Variants in SMG6 observed in about 807,000 individuals in gnomAD.
The protein encoded by SMG6 is telomerase-binding protein EST1A.
SMG6 carries 66 observed loss-of-function variants against 142.2 expected under a neutral mutation model. The observed-to-expected ratio is 0.46, with a 90% CI of 0.38 to 0.57. The LOEUF (loss-of-function observed/expected upper bound fraction) is 0.57. SMG6 is among the 20% of genes least tolerant of loss of function. The pLI, the probability that SMG6 is intolerant of heterozygous loss-of-function variation, is 0.00. For synonymous variants in SMG6, 779 were observed against 702.4 expected, an observed-to-expected ratio of 1.11 and a Z score of -1.72; for missense variants, 1,793 against 1,832.0, an observed-to-expected ratio of 0.98 and a Z score of 0.39.
intron 8 of SMG6, among the ~76,000 whole-genome samples, chr17:2,281,614 TCTC>T (rs1962708180): frequency 6.6e-6 from 1 of 152,174 alleles, no homozygotes; most frequent in Non-Finnish European, 1.5e-5. Flanking sequence ...GTCTTACTCT[TCTC>T]CAAACATTTT....
chr17:2,080,543 G>A (rs369486168), intron 15 of SMG6, among the ~76,000 whole-genome samples: 87 of 152,364 alleles, frequency 5.7e-4, no homozygotes, highest in African/African-American at 2.0e-3. Flanking sequence ...CACATACTAA[G>A]TGCCATGCAC....
intron 9 of SMG6, among the ~76,000 whole-genome samples, chr17:2,243,034 G>C (rs1447281181): frequency 6.6e-6 from 1 of 152,198 alleles, no homozygotes; most frequent in African/African-American, 2.4e-5. Context: ...ACTTAAACTG[G>C]TGGCAGTGGC....
At chr17:2,274,953 C>T (rs145985763) in intron 8 of SMG6, among the ~76,000 whole-genome samples, 1 of 150,082 alleles carries the variant, frequency 6.7e-6, no homozygotes, top group African/African-American at 2.5e-5. Flanking sequence ...AAGACCTTAT[C>T]TCCACATATT....
At chr17:2,246,311 T>C (rs1258458072) in intron 8 of SMG6, among the ~76,000 whole-genome samples, 2 of 152,202 alleles carry the variant, frequency 1.3e-5, no homozygotes, top group Non-Finnish European at 2.9e-5. Flanking sequence ...AAGTGAAGAA[T>C]CTTGACCCCA....
chr17:2,222,023 C>T (rs568080502), intron 10 of SMG6, among the ~76,000 whole-genome samples: 8 of 152,310 alleles, frequency 5.3e-5, no homozygotes, highest in African/African-American at 1.4e-4. Flanking sequence ...ACGTCGGCCA[C>T]GGCACCTGGC....
intron 13 of SMG6, among the ~76,000 whole-genome samples, chr17:2,137,110 T>C (rs1375970050): frequency 6.6e-6 from 1 of 152,144 alleles, no homozygotes; most frequent in African/African-American, 2.4e-5. Flanking sequence ...GAGGTTGCAG[T>C]GAGCGCAGAT....
At chr17:2,153,484 T>C (rs1167105564) in intron 13 of SMG6, among the ~76,000 whole-genome samples, 1 of 152,164 alleles carries the variant, frequency 6.6e-6, no homozygotes, top group African/African-American at 2.4e-5. Context: ...TACAACAGAG[T>C]GAATTTTAAC....
intron 11 of SMG6, 67 bp downstream of exon 11, chr17:2,188,332 C>A (rs1336123177): frequency 7.9e-7 from 1 of 1,270,408 alleles, no homozygotes; most frequent in South Asian, 1.2e-5. Flanking sequence ...AACAGCATGG[C>A]ACTGTGAGGT....
rs1483909943 is a variant in SMG6, at chr17:2,101,941, TTCTC to T, written c.3358-16044_3358-16041del. Among the ~76,000 whole-genome samples, 6 of 148,936 alleles carry T rather than the reference TTCTC, an allele frequency of 4.0e-5. No homozygotes were observed. In the South Asian group the frequency reaches 1.3e-3, roughly 32 times the overall value. ...CACCATCTCCCCAAGGAGAAAGCTC[TTCTC>T]TTGCCTGGAAATTCACAGAAGAAGA... is the stretch of plus-strand genomic sequence containing the variant. On this transcript the variant is annotated intron_variant, in intron 13 of 18. Transcript: ENST00000263073.
chr17:2,292,429 AG>A, intron 6 of SMG6, 122 bp downstream of exon 6: 1 of 923,610 alleles, frequency 1.1e-6, no homozygotes, highest in Non-Finnish European at 1.7e-6. Flanking sequence ...AAGGAGTTTG[AG>A]GGGATATTCT....
At chr17:2,244,570 G>T in intron 9 of SMG6, 88 bp downstream of exon 9, 1 of 1,039,626 alleles carries the variant, frequency 9.6e-7, no homozygotes. Context: ...TGTGCCCTCA[G>T]TTACAAACAC....
intron 10 of SMG6, among the ~76,000 whole-genome samples, chr17:2,209,093 G>A (rs1484866942): frequency 6.7e-6 from 1 of 148,432 alleles, no homozygotes; most frequent in Admixed American, 6.7e-5. Flanking sequence ...AAGCCCAGGA[G>A]GAGGAGCTTG....
chr17:2,192,605 C>T (rs2072198098), intron 10 of SMG6, among the ~76,000 whole-genome samples: 1 of 152,216 alleles, frequency 6.6e-6, no homozygotes. Context: ...AATGAATGGT[C>T]AGTCACCTCC....
At chr17:2,156,794 C>G (rs1046312919) in intron 13 of SMG6, among the ~76,000 whole-genome samples, 1 of 152,208 alleles carries the variant, frequency 6.6e-6, no homozygotes, top group Non-Finnish European at 1.5e-5. Context: ...GCTGGGACTA[C>G]AAGCATGCAA....
chr17:2,164,404 T>C (rs1045448229), intron 13 of SMG6, among the ~76,000 whole-genome samples: 14 of 151,034 alleles, frequency 9.3e-5, no homozygotes, highest in Admixed American at 2.0e-4. Context: ...GCCTGGGCAA[T>C]AGAGCAAAAC....
intron 13 of SMG6, among the ~76,000 whole-genome samples, chr17:2,124,828 T>G (rs2069819255): frequency 6.6e-6 from 1 of 152,208 alleles, no homozygotes. Flanking sequence ...TATTCTTTAT[T>G]TTTTGTTTCT....
At chr17:2,087,225 G>T in intron 13 of SMG6, 1 of 1,290,068 alleles carries the variant, frequency 7.8e-7, no homozygotes. Flanking sequence ...TAGGCTCACA[G>T]TAAAGACGGA....
chr17:2,289,579 A>T (rs1187112118), intron 6 of SMG6, among the ~76,000 whole-genome samples: 1 of 152,102 alleles, frequency 6.6e-6, no homozygotes, highest in Non-Finnish European at 1.5e-5. Flanking sequence ...ACACACATAT[A>T]TATGTGGGTA....
At chr17:2,280,825 G>A (rs1443075128) in intron 8 of SMG6, among the ~76,000 whole-genome samples, 7 of 152,168 alleles carry the variant, frequency 4.6e-5, no homozygotes, top group Middle Eastern at 3.2e-3. Flanking sequence ...CCTCATGCCT[G>A]TAATCCCAGA....
Sources: gnomAD v4.1 joint callset for allele counts (sites outside exome capture counted in the v4.1 genomes callset) on GRCh38, gnomAD v4.1.1 for gene constraint, MANE v1.5 for transcripts, NCBI Gene and HGNC (gene_info 2026-07-23, HGNC 2026-07-21) for gene names.